The following GYPC variants were observed in gnomAD, a reference collection of about 807,000 sequenced individuals.
GYPC encodes the protein glycophorin C (Gerbich blood group).
In GYPC, 14 loss-of-function variants were observed where a neutral mutation model predicts 12.6. That is an observed-to-expected ratio of 1.11 (90% CI 0.74 to 1.74). The LOEUF (loss-of-function observed/expected upper bound fraction) is 1.74, where lower values mean the gene tolerates loss of function less well. GYPC is among the 40% of genes most tolerant of loss of function. The pLI is 0.00. For missense variants in GYPC, 225 were observed against 172.1 expected, an observed-to-expected ratio of 1.31 and a Z score of -1.72; for synonymous variants, 78 against 62.1, an observed-to-expected ratio of 1.26 and a Z score of -1.20.
At chr2:126,691,727 TA>T (rs1300825730) in intron 2 of GYPC, among the ~76,000 whole-genome samples, 1 of 152,166 alleles carries the variant, frequency 6.6e-6, no homozygotes, top group African/African-American at 2.4e-5. Context: ...TAAATTGCTT[TA>T]AATGTTGAGA....
intron 1 of GYPC, among the ~76,000 whole-genome samples, chr2:126,664,905 T>A (rs1682635993): frequency 6.6e-6 from 1 of 152,098 alleles, no homozygotes; most frequent in Admixed American, 6.5e-5. Flanking sequence ...CTAACACAGC[T>A]GGAGTAGATG....
At chr2:126,665,507 G>T (rs1682653723) in intron 1 of GYPC, among the ~76,000 whole-genome samples, 1 of 152,238 alleles carries the variant, frequency 6.6e-6, no homozygotes, top group African/African-American at 2.4e-5. Flanking sequence ...GGGACAGATA[G>T]ATGATCACCC....
chr2:126,671,885 C>A (rs1372182434), intron 1 of GYPC, among the ~76,000 whole-genome samples: 1 of 152,136 alleles, frequency 6.6e-6, no homozygotes, highest in Non-Finnish European at 1.5e-5. Context: ...GGGGTGCCAT[C>A]TTATAGGGTG....
chr2:126,672,604 G>A (rs1232752463), intron 1 of GYPC, among the ~76,000 whole-genome samples: 1 of 152,172 alleles, frequency 6.6e-6, no homozygotes, highest in East Asian at 1.9e-4. Context: ...GAATGTGCAT[G>A]GACCCCTCAA....
At chr2:126,685,725 A>T in intron 1 of GYPC, 9 of 954,742 alleles carry the variant, frequency 9.4e-6, no homozygotes, top group Non-Finnish European at 1.1e-5. Context: ...GTTCCTCGCA[A>T]TTGAACACTC....
At chr2:126,656,634 G>A (rs984692977) in intron 1 of GYPC, among the ~76,000 whole-genome samples, 2 of 152,240 alleles carry the variant, frequency 1.3e-5, no homozygotes, top group Non-Finnish European at 2.9e-5. Context: ...AAATGTGTGG[G>A]GCCAGAATTG....
intron 3 of GYPC, among the ~76,000 whole-genome samples, 166 bp downstream of exon 3, chr2:126,694,113 A>AAT (rs748025334): frequency 2.0e-5 from 3 of 152,110 alleles, no homozygotes; most frequent in South Asian, 2.1e-4. Flanking sequence ...GCCCTGGGTA[A>AAT]ATATATATAT....
Position 126,665,649 on chromosome 2 carries a change from C to A in GYPC, c.49+9337C>A, listed in dbSNP as rs1682658427. ...TGCATTGATCACCTCAGATGGGGGCCCAAGGGATGCCGACGCAGGGCAAAG... is the reference window on the plus strand; with the variant it reads ...TGCATTGATCACCTCAGATGGGGGCACAAGGGATGCCGACGCAGGGCAAAG... On this transcript the variant is annotated intron_variant, in intron 1 of 3. Transcript: ENST00000259254. 2.0e-5 allele frequency among the ~76,000 whole-genome samples: 3 copies of A among 152,146 alleles called. No individual in the cohort carries two copies. The South Asian group carries it at 6.2e-4, about 32-fold the overall frequency.
intron 3 of GYPC, among the ~76,000 whole-genome samples, chr2:126,694,384 C>T (rs1488102097): frequency 2.0e-5 from 3 of 152,120 alleles, no homozygotes; most frequent in African/African-American, 7.2e-5. Flanking sequence ...GCTTTGAACC[C>T]TGGGCAAGGG....
chr2:126,675,549 C>T (rs1317495277), intron 1 of GYPC: 1 of 220,880 alleles, frequency 4.5e-6, no homozygotes, highest in African/African-American at 2.3e-5. Flanking sequence ...ATTGTGTCAT[C>T]CTGATTCTTT....
In GYPC at chr2:126,656,311, C is replaced by A; in HGVS notation, c.48C>A (p.Leu16=). 6.3e-7 allele frequency: 1 copy of A among 1,580,222 alleles called. No homozygotes were observed. Among genetic ancestry groups the A allele is most frequent in the East Asian group, 2.4e-5 (1 of 42,484 alleles). Residue 16 remains leucine, a splice_region_variant and synonymous_variant, in exon 1 of 4, where the codon CTC becomes CTA. Transcript: ENST00000259254. The part of the protein sequence containing the change: ...SPNSTAWPLS[L]EPDPGMASAS... ...ACAGCACGGCGTGGCCTCTCAGCCTCGGTGAGTACCCGCCGTGGGGAAGGG... is the reference window on the plus strand; with the variant it reads ...ACAGCACGGCGTGGCCTCTCAGCCTAGGTGAGTACCCGCCGTGGGGAAGGG...
chr2:126,686,408 T>C (rs1573574361), intron 1 of GYPC: 1 of 985,574 alleles, frequency 1.0e-6, no homozygotes, highest in Non-Finnish European at 1.2e-6. Flanking sequence ...ACAGCTGACA[T>C]CCTGAGGACA....
Position 126,693,859 on chromosome 2 carries a change from C to A in GYPC, c.107-5C>A, listed in dbSNP as rs557035366. On this transcript the variant is annotated splice_region_variant and splice_polypyrimidine_tract_variant and intron_variant, in intron 2 of 3. Transcript: ENST00000259254. ...TGACCTCAGATTCTTGTCCTCTGTT[C>A]ACAGAGCCTGATCCAGGGATGTCTG... 1.6e-5 allele frequency: 26 copies of A among 1,597,958 alleles called. No homozygotes were observed. The highest frequency in any genetic ancestry group is 1.3e-4 in the African/African-American group (10 of 74,730).
chr2:126,684,923 G>C (rs1324313577), intron 1 of GYPC, among the ~76,000 whole-genome samples: 1 of 152,098 alleles, frequency 6.6e-6, no homozygotes, highest in Non-Finnish European at 1.5e-5. Flanking sequence ...GCTTCAGGGG[G>C]ACGCGCACCA....
rs781592312 is a variant in GYPC at position 126,656,309 on chromosome 2, C to T, written c.46C>T (p.Leu16Phe). Residue 16 changes from leucine (L) to phenylalanine (F), a missense_variant, in exon 1 of 4, where the codon CTC becomes TTC. Leu to Phe is a conservative substitution (Grantham distance 22). Transcript: ENST00000259254. ...CAACAGCACGGCGTGGCCTCTCAGC[C>T]TCGGTGAGTACCCGCCGTGGGGAAG... ...SPNSTAWPLS[L>F]EPDPGMASAS... The T allele has an allele frequency of 7.5e-5, 119 of 1,585,378 alleles. No individual in the cohort carries two copies. Among genetic ancestry groups the T allele is most frequent in the Middle Eastern group, 2.3e-4 (1 of 4,426 alleles).
At chr2:126,679,443 A>C (rs190635199) in intron 1 of GYPC, among the ~76,000 whole-genome samples, 21 of 152,298 alleles carry the variant, frequency 1.4e-4, no homozygotes, top group Admixed American at 1.4e-3. Context: ...AGCATCTGAG[A>C]GGCAGGTGTG....
At chr2:126,690,158 T>G in intron 1 of GYPC, 97 bp from the exon 2 acceptor site, 5 of 877,402 alleles carry the variant, frequency 5.7e-6, no homozygotes, top group South Asian at 1.3e-5. Flanking sequence ...TTCTCAGAGC[T>G]GCTCACACCT....
chr2:126,689,865 C>G (rs888571138), intron 1 of GYPC, among the ~76,000 whole-genome samples: 1 of 152,196 alleles, frequency 6.6e-6, no homozygotes, highest in African/African-American at 2.4e-5. Flanking sequence ...GACTGAGACA[C>G]CTGGTGTGAG....
At position 126,673,099 on chromosome 2, in the gene GYPC, C is replaced by T. The variant is rs544566363; in HGVS notation, c.49+16787C>T. Among the ~76,000 whole-genome samples the T allele has an allele frequency of 7.6e-4, 116 of 152,076 alleles. 1 individual carries two copies. Among genetic ancestry groups the T allele is most frequent in the African/African-American group, 2.7e-3 (110 of 41,492 alleles). On this transcript the variant is annotated intron_variant, in intron 1 of 3. Transcript: ENST00000259254. ...GGTATTGGGAGGTACTTTTCATCTG[C>T]TTGATGTGATGAACGGTCCAGGGAG...
Sources: allele counts gnomAD v4.1 joint callset (sites outside exome capture counted in the v4.1 genomes callset), GRCh38; gene constraint gnomAD v4.1.1; transcripts MANE v1.5; gene names NCBI Gene and HGNC (gene_info 2026-07-23, HGNC 2026-07-21).